Variants in PRKN observed in about 807,000 individuals in gnomAD.
PRKN encodes E3 ubiquitin-protein ligase parkin.
Under a neutral mutation model 59.5 loss-of-function variants are expected in PRKN, and 56 were observed. That is an observed-to-expected ratio of 0.94 (90% CI 0.76 to 1.18). The LOEUF is 1.18. Among genes scored for constraint, PRKN ranks in the 50% most tolerant of loss-of-function variants. The pLI, the probability that PRKN is intolerant of heterozygous loss-of-function variation, is 0.00. For missense variants in PRKN, 657 were observed against 596.4 expected (o/e 1.10, Z -1.06); for synonymous variants, 250 against 222.1 (o/e 1.13, Z -1.12).
chr6:161,602,968 G>T (rs1400850992), intron 7 of PRKN, among the ~76,000 whole-genome samples: 1 of 152,082 alleles, frequency 6.6e-6, no homozygotes, highest in Non-Finnish European at 1.5e-5. Flanking sequence ...TTTTATAAAG[G>T]TCTACACAGT....
chr6:161,667,706 G>A (rs1784773093), intron 7 of PRKN, among the ~76,000 whole-genome samples: 1 of 152,110 alleles, frequency 6.6e-6, no homozygotes, highest in African/African-American at 2.4e-5. Flanking sequence ...TCAGCATTAT[G>A]TTTTAAATTT....
intron 1 of PRKN, chr6:162,568,861 A>G (rs568612209): frequency 1.1e-4 from 77 of 714,502 alleles, no homozygotes; most frequent in South Asian, 8.0e-4. Flanking sequence ...GATGAGATCA[A>G]TAAGTGTACA....
intron 6 of PRKN, among the ~76,000 whole-genome samples, chr6:161,867,988 T>C (rs1381773575): frequency 6.6e-6 from 1 of 151,952 alleles, no homozygotes; most frequent in East Asian, 2.0e-4. Flanking sequence ...CTTGAACTCC[T>C]GACCTCAGGT....
intron 7 of PRKN, among the ~76,000 whole-genome samples, chr6:161,751,868 T>C (rs572549387): frequency 6.6e-6 from 1 of 152,210 alleles, no homozygotes; most frequent in Non-Finnish European, 1.5e-5. Context: ...GAAGGAGCTA[T>C]GCACACAGCA....
intron 1 of PRKN, among the ~76,000 whole-genome samples, chr6:162,516,066 C>T (rs1254782331): frequency 3.3e-5 from 5 of 152,208 alleles, no homozygotes; most frequent in African/African-American, 9.6e-5. Context: ...GATTGCTGTG[C>T]CTGAGGGCAG....
At position 161,445,792 on chromosome 6, in the gene PRKN, G is replaced by C. The variant is rs1046978054; in HGVS notation, c.1084-58915C>G. ...ATTGGCCGCCAGCAAAGAATACAAG[G>C]GGTTTCCCTTCCCTTCCCTTCCCTT... On this transcript the variant is annotated intron_variant, in intron 9 of 11. Coordinates refer to ENST00000366898, the MANE Select transcript of PRKN (RefSeq NM_004562.3). The surrounding 1 kb of genome is among the most constrained non-coding windows in gnomAD (Gnocchi z 7.7). 2.3e-5 allele frequency among the ~76,000 whole-genome samples: 3 copies of C among 131,266 alleles called. No individual in the cohort carries two copies. The highest frequency in any genetic ancestry group is 3.3e-5 in the Non-Finnish European group (2 of 61,242). The allele number at this position is 131,266 out of a possible 152,430, so 86.1% of individuals were successfully genotyped here.
rs1164131910 is a variant in PRKN, at chr6:161,579,357, G to C, written c.872-9941C>G. On this transcript the variant is annotated intron_variant, in intron 7 of 11. Transcript: ENST00000366898. The surrounding 1 kb of genome is among the most constrained non-coding windows in gnomAD (Gnocchi z 4.2). ...ATAAGGCCTAGTTAAATAGGGTCTA[G>C]AGGGTCAGCGGGGCACCTAATTATC... is the stretch of plus-strand genomic sequence containing the variant. 6.6e-6 allele frequency among the ~76,000 whole-genome samples: 1 copy of C among 152,174 alleles called. No individual in the cohort carries two copies. The highest frequency in any genetic ancestry group is 1.5e-5 in the Non-Finnish European group (1 of 68,032).
chr6:161,457,052 C>T lies in PRKN; in HGVS notation c.1084-70175G>A, dbSNP rs939593749. On this transcript the variant is annotated intron_variant, in intron 9 of 11. Coordinates refer to ENST00000366898, the MANE Select transcript of PRKN (RefSeq NM_004562.3). This position sits in a 1 kb window ranked among gnomAD's most constrained non-coding sequence, Gnocchi z 5.0. ...CGGTGTGAGAGCAAGGCTGAATAGT[C>T]CAACTTCCTCCTTTAACAAATATCC... Among the ~76,000 whole-genome samples the T allele has an allele frequency of 6.6e-6, 1 of 152,212 alleles. No homozygotes were observed. The highest frequency in any genetic ancestry group is 1.5e-5 in the Non-Finnish European group (1 of 68,038).
At chr6:162,335,576 T>A (rs1562680444) in intron 2 of PRKN, among the ~76,000 whole-genome samples, 1 of 152,212 alleles carries the variant, frequency 6.6e-6, no homozygotes, top group Admixed American at 6.5e-5. Flanking sequence ...ACCACCATTT[T>A]CTTAAAAAGC....
Position 161,896,605 on chromosome 6 carries a change from C to T in PRKN, c.734+76697G>A, listed in dbSNP as rs193230611. ...GATAAGGCAATAGATAAGGAAAACA[C>T]GGCATGTAAGAACTAATGGCGACGG... On this transcript the variant is annotated intron_variant, in intron 6 of 11. Transcript: ENST00000366898. Among the ~76,000 whole-genome samples, 5 of 152,236 alleles carry T rather than the reference C, an allele frequency of 3.3e-5. No homozygotes were observed. In the East Asian group the frequency reaches 5.8e-4, roughly 18 times the overall value.
At position 162,425,499 on chromosome 6, in the gene PRKN, T is replaced by C. The variant is rs553463192; in HGVS notation, c.171+17811A>G. Among the ~76,000 whole-genome samples the C allele has an allele frequency of 5.9e-5, 9 of 152,208 alleles. No homozygotes were observed. In the South Asian group the frequency reaches 6.2e-4, roughly 11 times the overall value. On this transcript the variant is annotated intron_variant, in intron 2 of 11. Transcript: ENST00000366898. The stretch of plus-strand genomic sequence containing the variant: ...TGATTAAAGACTTAATGGAAGAACA[T>C]TGAAATATAAAACAAGAGCAGGATT...
chr6:161,507,675 CT>C (rs1778225620), intron 9 of PRKN, among the ~76,000 whole-genome samples: 1 of 152,122 alleles, frequency 6.6e-6, no homozygotes, highest in Non-Finnish European at 1.5e-5. Context: ...TATATCTTGA[CT>C]CTTCTCTCTG....
intron 2 of PRKN, among the ~76,000 whole-genome samples, chr6:162,441,516 G>A (rs180854997): frequency 6.6e-6 from 1 of 152,134 alleles, no homozygotes; most frequent in East Asian, 1.9e-4. Context: ...ATATTTTCAG[G>A]TGCGATACGG....
At chr6:162,287,031 G>A (rs1781222135) in intron 2 of PRKN, among the ~76,000 whole-genome samples, 1 of 152,180 alleles carries the variant, frequency 6.6e-6, no homozygotes, top group Admixed American at 6.6e-5. Context: ...TTAAAGGGTA[G>A]AATTTGGAAG....
Position 161,561,162 on chromosome 6 carries a change from A to G in PRKN, c.933+8193T>C, listed in dbSNP as rs928420183. 1.8e-4 allele frequency among the ~76,000 whole-genome samples: 28 copies of G among 152,250 alleles called. No individual in the cohort carries two copies. The highest frequency in any genetic ancestry group is 6.8e-4 in the African/African-American group (28 of 41,470). On this transcript the variant is annotated intron_variant, in intron 8 of 11. Transcript: ENST00000366898. The surrounding 1 kb of genome is among the most constrained non-coding windows in gnomAD (Gnocchi z 5.0). ...GTGAAATAAAAAAGATGAAATGAGGATAGTTACAAAAGCATAGGAGATAGA... is the reference window on the plus strand; with the variant it reads ...GTGAAATAAAAAAGATGAAATGAGGGTAGTTACAAAAGCATAGGAGATAGA...
intron 2 of PRKN, among the ~76,000 whole-genome samples, chr6:162,310,934 C>T (rs925510712): frequency 9.2e-5 from 14 of 151,930 alleles, no homozygotes; most frequent in African/African-American, 3.4e-4. Context: ...TTATTAATAA[C>T]ATTAAGTATA....
At position 162,727,759 on chromosome 6, in the gene PRKN, T is replaced by G. The variant is rs1220518067; in HGVS notation, c.-91A>C. The G allele has an allele frequency of 7.3e-7, 1 of 1,366,318 alleles. No homozygotes were observed. The highest frequency in any genetic ancestry group is 2.0e-5 in the Admixed American group (1 of 50,472). The allele number at this position is 1,366,318 out of a possible 1,614,324, so 84.6% of individuals were successfully genotyped here. A position where few individuals can be genotyped will look rare whatever the true frequency, so the allele number is the denominator to read the frequency against. On this transcript the variant is annotated 5_prime_UTR_variant, in exon 1 of 12. Transcript: ENST00000366898. ...CCTCCCACCAGCGGCTCTCCTGGGT[T>G]AAATCCTCCAGGCCTCCCCGCCCCC...
Position 161,359,272 on chromosome 6 carries a change from A to G in PRKN, c.1285+816T>C, listed in dbSNP as rs1784886648. ...GCACCTGCGGCTCTGGGATGTGTTC[A>G]AGCACCGTCTTGTTTGTATTAATGA... On this transcript the variant is annotated intron_variant, in intron 11 of 11. Coordinates refer to ENST00000366898, the MANE Select transcript of PRKN (RefSeq NM_004562.3). This position sits in a 1 kb window ranked among gnomAD's most constrained non-coding sequence, Gnocchi z 5.4. 6.6e-6 allele frequency among the ~76,000 whole-genome samples: 1 copy of G among 152,202 alleles called. No homozygotes were observed. The highest frequency in any genetic ancestry group is 2.4e-5 in the African/African-American group (1 of 41,448).
chr6:162,086,488 A>G (rs1227355729), intron 4 of PRKN, among the ~76,000 whole-genome samples: 1 of 152,216 alleles, frequency 6.6e-6, no homozygotes, highest in East Asian at 1.9e-4. Context: ...CGCTGTTACC[A>G]TACTAGCAGT....
Sources: allele counts gnomAD v4.1 joint callset (sites outside exome capture counted in the v4.1 genomes callset), GRCh38; gene constraint gnomAD v4.1.1; non-coding constraint Gnocchi (gnomAD v3.1); transcripts MANE v1.5; gene names NCBI Gene and HGNC (gene_info 2026-07-23, HGNC 2026-07-21).